The following OTUD4 variants were observed in gnomAD, a reference collection of about 807,000 sequenced individuals.
The protein encoded by OTUD4 is OTU deubiquitinase 4, also known as OTU domain-containing protein 4.
A neutral mutation model predicts 130.4 loss-of-function variants in OTUD4; 24 were observed. That is an observed-to-expected ratio of 0.18 (90% CI 0.13 to 0.26). The LOEUF (loss-of-function observed/expected upper bound fraction) is 0.26, where lower values mean the gene tolerates loss of function less well. OTUD4 is among the 10% of genes least tolerant of loss of function. OTUD4 has a pLI of 1.00. For synonymous variants in OTUD4, 420 were observed against 472.5 expected, an observed-to-expected ratio of 0.89 and a Z score of 1.44; for missense variants, 1,031 against 1,329.4, an observed-to-expected ratio of 0.78 and a Z score of 3.49.
At chr4:145,156,059 C>T in intron 7 of OTUD4, 63 bp from the exon 8 acceptor site, 3 of 1,317,094 alleles carry the variant, frequency 2.3e-6, no homozygotes, top group South Asian at 2.5e-5. Context: ...TACCTTCTAA[C>T]CTCATCTAAA....
Position 145,137,968 on chromosome 4 carries a change from C to G in OTUD4, c.2807G>C (p.Arg936Pro). The G allele has an allele frequency of 6.2e-7, 1 of 1,614,126 alleles. No homozygotes were observed. The highest frequency in any genetic ancestry group is 8.5e-7 in the Non-Finnish European group (1 of 1,180,028). ...TCGTGTCTGGGAAGATTGCTCTGTCCGGCCTTCGTCCGGCTTACTGCTCAC... is the reference window on the plus strand; with the variant it reads ...TCGTGTCTGGGAAGATTGCTCTGTCGGGCCTTCGTCCGGCTTACTGCTCAC... ...ASVSSKPDEG[R>P]TEQSSQTRKA... The change falls in exon 21 of 21, where the codon CGG (arginine) becomes CCG (proline). Residue 936 changes from arginine (R) to proline (P), a missense_variant. Coordinates refer to ENST00000447906, the MANE Select transcript of OTUD4 (RefSeq NM_001366057.1).
chr4:145,178,762 C>T (rs1752544763), intron 1 of OTUD4, among the ~76,000 whole-genome samples: 1 of 152,112 alleles, frequency 6.6e-6, no homozygotes, highest in Non-Finnish European at 1.5e-5. Context: ...AGACTGGCCT[C>T]CACATGTTAA....
At chr4:145,150,348 G>C (rs1445019950) in intron 13 of OTUD4, among the ~76,000 whole-genome samples, 165 bp downstream of exon 13, 1 of 152,168 alleles carries the variant, frequency 6.6e-6, no homozygotes, top group Non-Finnish European at 1.5e-5. Context: ...GAATTATAAA[G>C]AATTGAGATC....
At chr4:145,159,475 G>C in intron 7 of OTUD4, 28 bp downstream of exon 7, 2 of 1,612,252 alleles carry the variant, frequency 1.2e-6, no homozygotes, top group Non-Finnish European at 1.7e-6. Context: ...ATGGCACTAA[G>C]AAAGGTATTT....
intron 1 of OTUD4, among the ~76,000 whole-genome samples, chr4:145,176,460 T>TG (rs1434544092): frequency 1.4e-5 from 2 of 146,954 alleles, no homozygotes; most frequent in Non-Finnish European, 3.0e-5. Context: ...CCGAGGAGGG[T>TG]GGGTCCCCTG....
Position 145,151,229 on chromosome 4 carries a change from G to A in OTUD4, c.969-324C>T, listed in dbSNP as rs192908335. ...AGGTGGGGAAGGAAGTCTTTGTTCT[G>A]TTAGAGAAACATATAAACATCTACT... On this transcript the variant is annotated intron_variant, in intron 11 of 20. Coordinates refer to ENST00000447906, the MANE Select transcript of OTUD4 (RefSeq NM_001366057.1). 2.2e-4 allele frequency among the ~76,000 whole-genome samples: 34 copies of A among 152,278 alleles called. No homozygotes were observed. In the East Asian group the frequency reaches 6.2e-3, roughly 28 times the overall value.
intron 2 of OTUD4, 78 bp from the exon 3 acceptor site, chr4:145,171,798 C>G: frequency 1.1e-5 from 8 of 750,570 alleles, no homozygotes; most frequent in Non-Finnish European, 1.9e-5. Flanking sequence ...TGTAAACATT[C>G]ACTGTGAATT....
At chr4:145,159,012 C>T (rs1751428559) in intron 7 of OTUD4, 1 of 231,842 alleles carries the variant, frequency 4.3e-6, no homozygotes, top group Non-Finnish European at 7.1e-6. Context: ...ATTCTACGTT[C>T]AGACATATTT....
At chr4:145,178,328 G>GCTT (rs534003038) in intron 1 of OTUD4, among the ~76,000 whole-genome samples, 8 of 152,104 alleles carry the variant, frequency 5.3e-5, no homozygotes, top group Non-Finnish European at 8.8e-5. Context: ...TAAGCGCCAA[G>GCTT]CTTCCCTTAC....
intron 3 of OTUD4, among the ~76,000 whole-genome samples, chr4:145,168,630 C>G (rs1251082768): frequency 6.6e-6 from 1 of 152,112 alleles, no homozygotes; most frequent in African/African-American, 2.4e-5. Context: ...TGCTCAACAT[C>G]ATTAGAGAAA....
At position 145,142,149 on chromosome 4, in the gene OTUD4, C is replaced by T. The variant is rs141572272; in HGVS notation, c.1822+47G>A. ...CCACTCAAGAATTTGAAGTCTCTGA[C>T]TAGAAAGGTATTTTGGCTGGCTAGA... is the stretch of plus-strand genomic sequence containing the variant. On this transcript the variant is annotated intron_variant, in intron 18 of 20. Transcript: ENST00000447906. 10,487 of 1,566,676 alleles carry T rather than the reference C, an allele frequency of 6.7e-3. 69 individuals carry two copies. The highest frequency in any genetic ancestry group is 0.016 in the South Asian group (1,431 of 87,462).
At position 145,171,698 on chromosome 4, in the gene OTUD4, T is replaced by G; in HGVS notation, c.266A>C (p.Glu89Ala). ...FEAFIEGSFE[E>A]YLKRLENPQE... The stretch of plus-strand genomic sequence containing the variant: ...TGGATTTTCCAAACGCTTTAAATAT[T>G]CTTCAAATGATCCTTCTATAAACTG... The change falls in exon 3 of 21, where the codon GAA (glutamate) becomes GCA (alanine). Residue 89 changes from glutamate (E) to alanine (A), a missense_variant. Transcript: ENST00000447906. 1 of 1,382,220 alleles carries G rather than the reference T, an allele frequency of 7.2e-7. No individual in the cohort carries two copies. Among genetic ancestry groups the G allele is most frequent in the Non-Finnish European group, 1.0e-6 (1 of 970,834 alleles). The allele number at this position is 1,382,220 out of a possible 1,614,324, so 85.6% of individuals were successfully genotyped here. A position where few individuals can be genotyped will look rare whatever the true frequency, so the allele number is the denominator to read the frequency against.
At chr4:145,165,288 T>C in intron 3 of OTUD4, 91 bp from the exon 4 acceptor site, 2 of 755,786 alleles carry the variant, frequency 2.6e-6, no homozygotes, top group Middle Eastern at 3.3e-4. Context: ...ACAGCATACG[T>C]AATGAGTTCT....
intron 4 of OTUD4, among the ~76,000 whole-genome samples, chr4:145,164,593 A>G (rs895633345): frequency 2.6e-5 from 4 of 152,172 alleles, no homozygotes; most frequent in African/African-American, 9.7e-5. Flanking sequence ...TGAGCATCCC[A>G]AATCTAAAAA....
chr4:145,141,189 A>AG (rs1243166818), intron 19 of OTUD4, among the ~76,000 whole-genome samples, 190 bp downstream of exon 19: 1 of 151,200 alleles, frequency 6.6e-6, no homozygotes, highest in African/African-American at 2.4e-5. Context: ...AAAAAAAAAA[A>AG]TTATAATACA....
chr4:145,156,661 C>A (rs1751311190), intron 7 of OTUD4, among the ~76,000 whole-genome samples: 1 of 150,746 alleles, frequency 6.6e-6, no homozygotes, highest in African/African-American at 2.4e-5. Flanking sequence ...CCAGCCTGGG[C>A]AGCAAGAGCG....
At chr4:145,160,096 C>T (rs1301290796) in intron 6 of OTUD4, among the ~76,000 whole-genome samples, 1 of 152,150 alleles carries the variant, frequency 6.6e-6, no homozygotes, top group Non-Finnish European at 1.5e-5. Context: ...TCTTAAGAGA[C>T]TTAGATTAAA....
chr4:145,159,581 A>T lies in OTUD4; in HGVS notation c.551T>A (p.Ile184Asn), dbSNP rs1389379858. ...TTCCAACGTGTCTAGTTCCATCACA[A>T]TTTTACTAACATCAGTTTTAAATAC... ...EKVFKTDVSK[I>N]VMELDTLEVA... The change falls in exon 7 of 21, where the codon ATT (isoleucine) becomes AAT (asparagine). Residue 184 changes from isoleucine (I) to asparagine (N), a missense_variant. Physicochemically the swap from Ile to Asn is moderately radical, Grantham distance 149 (BLOSUM62 -3). Transcript: ENST00000447906. 3 of 1,613,240 alleles carry T rather than the reference A, an allele frequency of 1.9e-6. No homozygotes were observed. Among genetic ancestry groups the T allele is most frequent in the South Asian group, 1.1e-5 (1 of 91,052 alleles).
chr4:145,151,572 T>G (rs960359893), intron 11 of OTUD4, among the ~76,000 whole-genome samples: 1 of 152,032 alleles, frequency 6.6e-6, no homozygotes, highest in African/African-American at 2.4e-5. Context: ...GAAGCGGAGG[T>G]TGCAGTGAGC....
Sources: gnomAD v4.1 joint callset for allele counts (sites outside exome capture counted in the v4.1 genomes callset) on GRCh38, gnomAD v4.1.1 for gene constraint, MANE v1.5 for transcripts, NCBI Gene and HGNC (gene_info 2026-07-23, HGNC 2026-07-21) for gene names.